The following KPNA7 variants were observed in gnomAD, a reference collection of about 807,000 sequenced individuals.
KPNA7 encodes importin subunit alpha-8.
KPNA7 carries 54 observed loss-of-function variants against 53.7 expected under a neutral mutation model. The observed-to-expected ratio is 1.01, with a 90% CI of 0.81 to 1.26. The LOEUF (loss-of-function observed/expected upper bound fraction) is 1.26. Ranked by LOEUF, KPNA7 falls within the 50% of genes most tolerant of loss-of-function variation. KPNA7 has a pLI of 0.00. For synonymous variants in KPNA7, 276 were observed against 259.3 expected (o/e 1.06, Z -0.62); for missense variants, 640 against 644.5 (o/e 0.99, Z 0.07).
chr7:99,173,494 A>C (rs571199176), downstream of KPNA7: 1 of 431,410 alleles, frequency 2.3e-6, no homozygotes, highest in African/African-American at 2.0e-5. Context: ...CACCCAGCCT[A>C]AACAAATGTT....
At chr7:99,145,934 A>C in the KPNA7 span, among the ~76,000 whole-genome samples, 1 of 152,188 alleles carries the variant, frequency 6.6e-6, no homozygotes, top group African/African-American at 2.4e-5. Flanking sequence ...ATCCTCAAGA[A>C]AGACCCAAGA....
chr7:99,181,472 A>G (rs1799270626), intron 9 of KPNA7, among the ~76,000 whole-genome samples: 1 of 152,180 alleles, frequency 6.6e-6, no homozygotes, highest in South Asian at 2.1e-4. Context: ...TGGTCCTTCG[A>G]GATGGCTCTT....
At chr7:99,187,842 A>T in intron 7 of KPNA7, among the ~76,000 whole-genome samples, 1 of 139,250 alleles carries the variant, frequency 7.2e-6, no homozygotes, top group Non-Finnish European at 1.5e-5. Context: ...AAAACCCACT[A>T]GGATTTGACA....
chr7:99,163,384 T>TATATATATATATATATA, the KPNA7 span, among the ~76,000 whole-genome samples: 17 of 42,222 alleles, frequency 4.0e-4, no homozygotes, highest in South Asian at 2.3e-3. Context: ...TATATATATA[T>TATATATATATATATATA]TTTTTTTTTT....
chr7:99,180,535 CTCCG>C (rs1382216892), intron 9 of KPNA7, among the ~76,000 whole-genome samples: 38 of 36,414 alleles, frequency 1.0e-3, no homozygotes, highest in African/African-American at 2.2e-3. Flanking sequence ...ATCTCTCTGT[CTCCG>C]TCTGTCTCCG....
At chr7:99,203,070 T>C in intron 3 of KPNA7, 36 bp downstream of exon 3, 1 of 1,541,168 alleles carries the variant, frequency 6.5e-7, no homozygotes, top group Non-Finnish European at 8.8e-7. Context: ...TAAGAACATA[T>C]TTTGCCCAAG....
chr7:99,173,104 C>T (rs1280516174), downstream of KPNA7, among the ~76,000 whole-genome samples: 3 of 150,354 alleles, frequency 2.0e-5, no homozygotes, highest in Admixed American at 6.7e-5. Context: ...AAAGTCTGTC[C>T]GGATAACTAT....
chr7:99,196,630 A>C (rs1160953507), intron 3 of KPNA7, among the ~76,000 whole-genome samples: 1 of 152,126 alleles, frequency 6.6e-6, no homozygotes, highest in Non-Finnish European at 1.5e-5. Flanking sequence ...GTAGCATGAG[A>C]GCTTTGTGGC....
At chr7:99,185,491 G>A (rs1034809150) in intron 7 of KPNA7, among the ~76,000 whole-genome samples, 1 of 152,074 alleles carries the variant, frequency 6.6e-6, no homozygotes, top group Admixed American at 6.6e-5. Context: ...GGACTATACG[G>A]ATGTGCCACC....
chr7:99,163,359 G>GTGTGTA, the KPNA7 span, among the ~76,000 whole-genome samples: 2 of 66,418 alleles, frequency 3.0e-5, no homozygotes, highest in African/African-American at 1.2e-4. Context: ...ATGAGTGTGT[G>GTGTGTA]TATATATATA....
At chr7:99,200,207 T>A (rs1444824392) in intron 3 of KPNA7, among the ~76,000 whole-genome samples, 1 of 152,112 alleles carries the variant, frequency 6.6e-6, no homozygotes, top group Non-Finnish European at 1.5e-5. Flanking sequence ...CTGGCTAATT[T>A]TCGTATTTTT....
chr7:99,180,695 CTCTG>C (rs200399589), intron 9 of KPNA7, among the ~76,000 whole-genome samples: 4,981 of 109,160 alleles, frequency 0.046, 995 homozygotes, highest in East Asian at 0.18. Context: ...CCGTCTGTGT[CTCTG>C]TCTGTGTCTC....
At position 99,196,084 on chromosome 7, in the gene KPNA7, C is replaced by T; in HGVS notation, c.284G>A (p.Arg95Lys). Residue 95 changes from arginine to lysine, a missense_variant and splice_region_variant, in exon 4 of 11, where the codon AGG becomes AAG. Coordinates refer to ENST00000327442, the MANE Select transcript of KPNA7 (RefSeq NM_001145715.3). ...ACAGCAGAAGTCTGTTTGGAGATAC[C>T]TGGCTGTCTGGGTGGCCTGGAAACA... Reference protein sequence around the residue: ...VLCFQATQTARKMLSQEKNPP... With the variant: ...VLCFQATQTAKKMLSQEKNPP... 1.3e-6 allele frequency: 2 copies of T among 1,551,170 alleles called. No individual in the cohort carries two copies. The highest frequency in any genetic ancestry group is 1.7e-6 in the Non-Finnish European group (2 of 1,146,466).
At chr7:99,178,099 C>CG in intron 9 of KPNA7, 33 bp from the exon 10 acceptor site, 2 of 1,544,880 alleles carry the variant, frequency 1.3e-6, no homozygotes, top group African/African-American at 1.4e-5. Flanking sequence ...ATGAGACCCC[C>CG]GGCAGGAGCC....
chr7:99,198,353 A>G (rs1790335828), intron 3 of KPNA7, among the ~76,000 whole-genome samples: 1 of 152,208 alleles, frequency 6.6e-6, no homozygotes, highest in Non-Finnish European at 1.5e-5. Context: ...ATCCCTTATA[A>G]CTACTGATGC....
At chr7:99,149,161 C>G in the KPNA7 span, among the ~76,000 whole-genome samples, 1 of 152,106 alleles carries the variant, frequency 6.6e-6, no homozygotes, top group Non-Finnish European at 1.5e-5. Context: ...CCTCTGCCTC[C>G]CAAAGTGCTG....
At chr7:99,150,078 C>A in the KPNA7 span, among the ~76,000 whole-genome samples, 1 of 152,066 alleles carries the variant, frequency 6.6e-6, no homozygotes, top group Non-Finnish European at 1.5e-5. Context: ...GGATTACAGG[C>A]ATGAGCCACC....
At chr7:99,207,676 C>T (rs950628685) in intron 1 of KPNA7, among the ~76,000 whole-genome samples, 187 bp from the exon 2 acceptor site, 1 of 114,602 alleles carries the variant, frequency 8.7e-6, no homozygotes, top group Non-Finnish European at 1.6e-5. Context: ...CGCTCTGTTG[C>T]CCAGACTTGA....
chr7:99,185,634 G>A (rs1279501899), intron 7 of KPNA7, among the ~76,000 whole-genome samples: 1 of 151,926 alleles, frequency 6.6e-6, no homozygotes, highest in Non-Finnish European at 1.5e-5. Context: ...CCTGGCCCAT[G>A]GATGTTTAAA....
Sources: gnomAD v4.1 joint callset for allele counts (sites outside exome capture counted in the v4.1 genomes callset) on GRCh38, gnomAD v4.1.1 for gene constraint, MANE v1.5 for transcripts, NCBI Gene and HGNC (gene_info 2026-07-23, HGNC 2026-07-21) for gene names.